PTPRT: variants seen among roughly 807,000 people sequenced by gnomAD.
The protein encoded by PTPRT is protein tyrosine phosphatase receptor type T, also known as receptor-type tyrosine-protein phosphatase T.
A neutral mutation model predicts 176.8 loss-of-function variants in PTPRT; 56 were observed. The ratio of observed to expected loss-of-function variants is 0.32; its 90% CI spans 0.26 to 0.40. The LOEUF is 0.40. PTPRT is among the 10% of genes least tolerant of loss of function. The pLI is 1.00. For missense variants in PTPRT, 1,540 were observed against 1,908.2 expected (o/e 0.81, Z 3.60); for synonymous variants, 783 against 739.0 (o/e 1.06, Z -0.96).
intron 4 of PTPRT, 152 bp downstream of exon 4, chr20:42,780,066 T>C (rs142462744): frequency 8.1e-5 from 56 of 689,814 alleles, no homozygotes; most frequent in Non-Finnish European, 1.4e-4. Context: ...TCAGGACTGA[T>C]TGCATTGAGT....
chr20:42,060,449 C>A, the PTPRT span, among the ~76,000 whole-genome samples: 141 of 152,250 alleles, frequency 9.3e-4, no homozygotes, highest in African/African-American at 3.2e-3. Flanking sequence ...TGGCTGTGTC[C>A]CCACCCAAAT....
At chr20:42,072,335 T>C (rs987666233), downstream of PTPRT, among the ~76,000 whole-genome samples, 2 of 152,224 alleles carry the variant, frequency 1.3e-5, no homozygotes, top group Non-Finnish European at 2.9e-5. Flanking sequence ...CTGGCTGCTA[T>C]CAAATATTTT....
At chr20:42,540,595 T>C (rs1466122609) in intron 7 of PTPRT, among the ~76,000 whole-genome samples, 3 of 151,944 alleles carry the variant, frequency 2.0e-5, no homozygotes, top group African/African-American at 4.8e-5. Context: ...ATTGAAAAAA[T>C]AACTGAAGCA....
At chr20:42,855,364 ACC>A (rs199995522) in intron 2 of PTPRT, among the ~76,000 whole-genome samples, 3,220 of 151,590 alleles carry the variant, frequency 0.021, 90 homozygotes, top group African/African-American at 0.061. Context: ...AACTGCCCCA[ACC>A]TCATGCTATA....
At chr20:42,234,665 G>A (rs6072666) in intron 15 of PTPRT, among the ~76,000 whole-genome samples, 23,683 of 152,230 alleles carry the variant, frequency 0.16, 2,175 homozygotes, top group Non-Finnish European at 0.2. Flanking sequence ...AGATAGGCTT[G>A]CATACTGTGA....
At chr20:42,344,819 C>T (rs373073892) in intron 11 of PTPRT, among the ~76,000 whole-genome samples, 11 of 152,256 alleles carry the variant, frequency 7.2e-5, no homozygotes, top group East Asian at 5.8e-4. Context: ...TGCTTCTCTC[C>T]TCATCTCTCT....
At chr20:42,591,302 G>C (rs1417867227) in intron 7 of PTPRT, among the ~76,000 whole-genome samples, 1 of 152,040 alleles carries the variant, frequency 6.6e-6, no homozygotes, top group East Asian at 1.9e-4. Flanking sequence ...TAAAAACAAA[G>C]ACTTCTATGA....
chr20:43,092,738 A>G (rs764400352), intron 1 of PTPRT, among the ~76,000 whole-genome samples: 1 of 152,188 alleles, frequency 6.6e-6, no homozygotes, highest in Non-Finnish European at 1.5e-5. Flanking sequence ...AACATAACAG[A>G]TAACAGTTGT....
chr20:42,107,570 A>G (rs914294445), intron 23 of PTPRT, among the ~76,000 whole-genome samples: 2 of 152,226 alleles, frequency 1.3e-5, no homozygotes, highest in African/African-American at 2.4e-5. Flanking sequence ...GAACTCAACG[A>G]GACTCTATGG....
chr20:42,150,636 G>C (rs1405697613), intron 17 of PTPRT, among the ~76,000 whole-genome samples: 1 of 152,220 alleles, frequency 6.6e-6, no homozygotes, highest in Non-Finnish European at 1.5e-5. Flanking sequence ...AAAAGGCAGA[G>C]CTTTGCAAAA....
In PTPRT at chr20:42,756,633, A is replaced by T. The variant is rs2076837441; in HGVS notation, c.688T>A (p.Trp230Arg). The T allele has an allele frequency of 5.0e-6, 8 of 1,585,054 alleles. No individual in the cohort carries two copies. Among genetic ancestry groups the T allele is most frequent in the African/African-American group, 1.3e-5 (1 of 74,232 alleles). The change falls in exon 6 of 31, where the codon TGG (tryptophan) becomes AGG (arginine). Residue 230 changes from tryptophan (W) to arginine (R), a missense_variant. By Grantham distance (101) the Trp-to-Arg change is moderately radical (BLOSUM62 -3). Around this residue, in one of 11 missense-constraint regions of PTPRT, gnomAD observed 273 missense variants for 432.1 expected, o/e 0.63. Transcript: ENST00000373187. ...SQHDKLWLQQ[W>R]NGRDTALMVT... is the part of the protein sequence containing the mutation. ...ATCAGGGCCGTGTCCCTGCCATTCC[A>T]TTGCTGCAGAACAGAGGAAGAGAGG...
chr20:42,602,568 A>G (rs1036953203), intron 7 of PTPRT, among the ~76,000 whole-genome samples: 1 of 152,188 alleles, frequency 6.6e-6, no homozygotes, highest in African/African-American at 2.4e-5. Flanking sequence ...TCTGAGGCAT[A>G]GTGACATTAG....
intron 1 of PTPRT, among the ~76,000 whole-genome samples, chr20:42,932,124 A>G (rs983865176): frequency 6.6e-6 from 1 of 152,216 alleles, no homozygotes; most frequent in African/African-American, 2.4e-5. Context: ...AGGGGTGACT[A>G]TGAGAACACA....
intron 1 of PTPRT, among the ~76,000 whole-genome samples, chr20:42,897,852 T>C (rs944042911): frequency 2.0e-5 from 3 of 152,236 alleles, no homozygotes; most frequent in African/African-American, 7.2e-5. Flanking sequence ...GGTAATTTAA[T>C]ATTTGTAAAC....
chr20:42,512,009 T>C (rs2145458995), intron 7 of PTPRT, among the ~76,000 whole-genome samples: 1 of 152,244 alleles, frequency 6.6e-6, no homozygotes, highest in East Asian at 1.9e-4. Flanking sequence ...TCCCTCTCCC[T>C]GAGCTGAGCC....
intron 7 of PTPRT, among the ~76,000 whole-genome samples, chr20:42,529,067 A>C (rs6072770): frequency 0.28 from 42,508 of 152,026 alleles, 8,064 homozygotes; most frequent in African/African-American, 0.54. Flanking sequence ...GAATTTTAAA[A>C]CCTCAATATG....
chr20:42,683,020 T>C (rs1272280951), intron 6 of PTPRT, among the ~76,000 whole-genome samples: 1 of 152,186 alleles, frequency 6.6e-6, no homozygotes, highest in African/African-American at 2.4e-5. Flanking sequence ...TGAGCCTTGA[T>C]ATGATTAAGG....
At position 42,642,435 on chromosome 20, in the gene PTPRT, A is replaced by G. The variant is rs529724645; in HGVS notation, c.1153+35431T>C. Among the ~76,000 whole-genome samples the G allele has an allele frequency of 2.0e-4, 31 of 152,302 alleles. No individual in the cohort carries two copies. In the South Asian group the frequency reaches 6.4e-3, roughly 32 times the overall value. On this transcript the variant is annotated intron_variant, in intron 7 of 30. Transcript: ENST00000373187. ...TTGTTAAATGGAGATAAAAATGCCT[A>G]CATTTGGAGTAAGATAGGGAATAGT...
rs77144899 is a variant in PTPRT, at chr20:42,100,225, G to A, written c.3715-1673C>T. ...GATAAACGCTCTATTAGGCCAGCACGCCTGACAAAGCCTTATCTGAAAATA... is the reference window on the plus strand; with the variant it reads ...GATAAACGCTCTATTAGGCCAGCACACCTGACAAAGCCTTATCTGAAAATA... On this transcript the variant is annotated intron_variant, in intron 26 of 30. Transcript: ENST00000373187. Among the ~76,000 whole-genome samples, 634 of 152,258 alleles carry A rather than the reference G, an allele frequency of 4.2e-3. 4 individuals carry two copies. The highest frequency in any genetic ancestry group is 0.014 in the African/African-American group (593 of 41,566).
Sources: gnomAD v4.1 joint callset for allele counts (sites outside exome capture counted in the v4.1 genomes callset) on GRCh38, gnomAD v4.1.1 for gene constraint, gnomAD v4.1.1 regional missense constraint, MANE v1.5 for transcripts, NCBI Gene and HGNC (gene_info 2026-07-23, HGNC 2026-07-21) for gene names.